Variants in CHSY1 observed in about 807,000 individuals in gnomAD.
CHSY1 encodes chondroitin sulfate synthase 1, also known as N-acetylgalactosaminyl-proteoglycan 3-beta-glucuronosyltransferase 1.
Under a neutral mutation model 59.8 loss-of-function variants are expected in CHSY1, and 13 were observed. The observed-to-expected ratio is 0.22, with a 90% CI of 0.14 to 0.35. The LOEUF is 0.35. Ranked by LOEUF, CHSY1 falls within the 10% of genes least tolerant of loss-of-function variation. CHSY1 has a pLI of 1.00. For missense variants in CHSY1, 947 were observed against 1,030.6 expected (o/e 0.92, Z 1.11); for synonymous variants, 459 against 401.2 (o/e 1.14, Z -1.72).
chr15:101,179,918 G>C (rs529332699), intron 2 of CHSY1, among the ~76,000 whole-genome samples: 1 of 152,372 alleles, frequency 6.6e-6, no homozygotes, highest in East Asian at 1.9e-4. Flanking sequence ...TTTTTACAAA[G>C]CATGTTGGAA....
At chr15:101,180,282 G>A (rs1177276794) in intron 2 of CHSY1, among the ~76,000 whole-genome samples, 1 of 152,174 alleles carries the variant, frequency 6.6e-6, no homozygotes, top group Admixed American at 6.5e-5. Flanking sequence ...TACCTCCTGG[G>A]CACCCGTGAG....
chr15:101,211,991 A>G (rs188233402), intron 2 of CHSY1, among the ~76,000 whole-genome samples: 1 of 152,274 alleles, frequency 6.6e-6, no homozygotes, highest in East Asian at 1.9e-4. Context: ...GGCAAAAGTC[A>G]TGGACAAAAG....
chr15:101,184,322 CTG>C (rs1487394833), intron 2 of CHSY1, among the ~76,000 whole-genome samples: 1 of 152,046 alleles, frequency 6.6e-6, no homozygotes, highest in Non-Finnish European at 1.5e-5. Flanking sequence ...GTGAAAGTTG[CTG>C]TAAGTACCTT....
At position 101,251,421 on chromosome 15, in the gene CHSY1, C is replaced by T; in HGVS notation, c.36G>A (p.Val12=). The change falls in exon 1 of 3, where the codon GTG becomes GTA. Residue 12 remains valine, a synonymous_variant. Coordinates refer to ENST00000254190, the MANE Select transcript of CHSY1 (RefSeq NM_014918.5). ...AARGRRAWLS[V]LLGLVLGFVL... ...CGAAGCCCAGGACGAGCCCGAGCAG[C>T]ACGCTGAGCCAGGCGCGCCGGCCGC... 9.0e-7 allele frequency: 1 copy of T among 1,112,534 alleles called. No individual in the cohort carries two copies. Among genetic ancestry groups the T allele is most frequent in the Non-Finnish European group, 1.1e-6 (1 of 897,236 alleles). The allele number at this position is 1,112,534 out of a possible 1,614,324, so 68.9% of individuals were successfully genotyped here. A position where few individuals can be genotyped will look rare whatever the true frequency, so the allele number is the denominator to read the frequency against.
chr15:101,227,927 C>G (rs1332830371), intron 2 of CHSY1, among the ~76,000 whole-genome samples: 1 of 117,344 alleles, frequency 8.5e-6, no homozygotes, highest in Non-Finnish European at 1.7e-5. Flanking sequence ...GCAATAACAT[C>G]CCTGAAGGGG....
rs181064947 is a variant in CHSY1, at chr15:101,189,038, G to A, written c.817-10058C>T. ...AACAGATGAGGTCCTGTGCACACAC[G>A]GCACTCAATATTTACTGAACGCTCC... On this transcript the variant is annotated intron_variant, in intron 2 of 2. Coordinates refer to ENST00000254190, the MANE Select transcript of CHSY1 (RefSeq NM_014918.5). Among the ~76,000 whole-genome samples the A allele has an allele frequency of 7.9e-5, 12 of 152,308 alleles. 1 individual carries two copies. In the East Asian group the frequency reaches 2.1e-3, roughly 27 times the overall value.
chr15:101,210,396 A>G (rs1401769193), intron 2 of CHSY1, among the ~76,000 whole-genome samples: 1 of 152,208 alleles, frequency 6.6e-6, no homozygotes, highest in Admixed American at 6.5e-5. Context: ...CCCCATTTAA[A>G]CAACGTCTAG....
At chr15:101,243,387 C>A (rs1178906803) in intron 1 of CHSY1, among the ~76,000 whole-genome samples, 2 of 152,152 alleles carry the variant, frequency 1.3e-5, no homozygotes, top group Non-Finnish European at 2.9e-5. Flanking sequence ...TCCACATGAA[C>A]CAAAAATCAG....
intron 2 of CHSY1, among the ~76,000 whole-genome samples, chr15:101,207,752 T>C (rs1246970606): frequency 2.0e-5 from 3 of 152,258 alleles, no homozygotes; most frequent in Admixed American, 6.5e-5. Flanking sequence ...TGCGTTGCCA[T>C]GTGACACAGG....
chr15:101,240,396 C>G (rs1184862108), intron 1 of CHSY1, among the ~76,000 whole-genome samples: 1 of 152,224 alleles, frequency 6.6e-6, no homozygotes, highest in Non-Finnish European at 1.5e-5. Context: ...TTTTCATAAG[C>G]AAACGTCAGC....
At chr15:101,224,106 A>G (rs1457193869) in intron 2 of CHSY1, among the ~76,000 whole-genome samples, 3 of 152,254 alleles carry the variant, frequency 2.0e-5, no homozygotes, top group African/African-American at 7.2e-5. Context: ...GCTACACCAT[A>G]CAGCCTAGGT....
chr15:101,189,317 C>T, intron 2 of CHSY1: 1 of 463,806 alleles, frequency 2.2e-6, no homozygotes, highest in South Asian at 9.4e-5. Flanking sequence ...GGACCACACA[C>T]CAGCGTCACA....
At chr15:101,241,539 G>A (rs1372604722) in intron 1 of CHSY1, among the ~76,000 whole-genome samples, 4 of 152,182 alleles carry the variant, frequency 2.6e-5, no homozygotes, top group Non-Finnish European at 5.9e-5. Flanking sequence ...TTTTACTTTT[G>A]TAATAAAATT....
intron 2 of CHSY1, among the ~76,000 whole-genome samples, chr15:101,182,800 G>A (rs2038298554): frequency 6.6e-6 from 1 of 152,216 alleles, no homozygotes; most frequent in Non-Finnish European, 1.5e-5. Flanking sequence ...AAAAGCCTCT[G>A]CTACACAGCT....
chr15:101,206,106 C>T (rs1046502962), intron 2 of CHSY1, among the ~76,000 whole-genome samples: 2 of 152,172 alleles, frequency 1.3e-5, no homozygotes, highest in African/African-American at 2.4e-5. Context: ...TGCTTCATAA[C>T]GTTTGCAATA....
chr15:101,251,289 G>A lies in CHSY1; in HGVS notation c.168C>T (p.Ser56=). 2 of 1,237,030 alleles carry A rather than the reference G, an allele frequency of 1.6e-6. No individual in the cohort carries two copies. Among genetic ancestry groups the A allele is most frequent in the South Asian group, 5.6e-5 (2 of 35,904 alleles). The allele number at this position is 1,237,030 out of a possible 1,614,324, so 76.6% of individuals were successfully genotyped here. A position where few individuals can be genotyped will look rare whatever the true frequency, so the allele number is the denominator to read the frequency against. ...EGCRSGQAAA[S]QAGGARGDAR... Reference sequence around the variant, plus strand: ...CATCGCCGCGCGCCCCGCCGGCCTGGGAAGCCGCCGCCTGCCCGGACCGGC... The same window carrying A: ...CATCGCCGCGCGCCCCGCCGGCCTGAGAAGCCGCCGCCTGCCCGGACCGGC... The change falls in exon 1 of 3, where the codon TCC becomes TCT. Residue 56 remains serine (S), a synonymous_variant. Transcript: ENST00000254190.
chr15:101,249,097 C>T (rs937908346), intron 1 of CHSY1, among the ~76,000 whole-genome samples: 1 of 152,000 alleles, frequency 6.6e-6, no homozygotes, highest in African/African-American at 2.4e-5. Context: ...GCCACCGCGC[C>T]CGGCCTGCAT....
intron 2 of CHSY1, among the ~76,000 whole-genome samples, chr15:101,195,686 G>A (rs529080859): frequency 2.6e-5 from 4 of 152,048 alleles, no homozygotes; most frequent in African/African-American, 7.2e-5. Flanking sequence ...TTAACCGGGC[G>A]TGGTGGCGGG....
Position 101,251,251 on chromosome 15 carries a change from TGCGCCCCGCGCGCATCGCCGC to T in CHSY1, c.185_205del (p.Arg62_Ala68del). On this transcript the variant is annotated inframe_deletion, in exon 1 of 3. Coordinates refer to ENST00000254190, the MANE Select transcript of CHSY1 (RefSeq NM_014918.5). Reference sequence around the variant, plus strand: ...TGGGTCCGAGCCGGGCGGCCAGAGCTGCGCCCCGCGCGCATCGCCGCGCGCCCCGCCGGCCTGGGAAGCCGC... The same window carrying T: ...TGGGTCCGAGCCGGGCGGCCAGAGCTGCGCCCCGCCGGCCTGGGAAGCCGC... 2 of 1,442,992 alleles carry T rather than the reference TGCGCCCCGCGCGCATCGCCGC, an allele frequency of 1.4e-6. No homozygotes were observed. Among genetic ancestry groups the T allele is most frequent in the South Asian group, 1.4e-5 (1 of 70,836 alleles). The allele number at this position is 1,442,992 out of a possible 1,614,324, so 89.4% of individuals were successfully genotyped here.
Sources: gnomAD v4.1 joint callset for allele counts (sites outside exome capture counted in the v4.1 genomes callset) on GRCh38, gnomAD v4.1.1 for gene constraint, MANE v1.5 for transcripts, NCBI Gene and HGNC (gene_info 2026-07-23, HGNC 2026-07-21) for gene names.